OR10G8: variants seen among roughly 807,000 people sequenced by gnomAD.
OR10G8 encodes olfactory receptor 10G8.
For synonymous variants in OR10G8, 173 were observed against 163.2 expected, an observed-to-expected ratio of 1.06 and a Z score of -0.46; for missense variants, 386 against 384.9, an observed-to-expected ratio of 1.00 and a Z score of -0.02.
intron 1 of OR10G8, among the ~76,000 whole-genome samples, chr11:124,027,640 G>A (rs886482283): frequency 1.3e-5 from 2 of 152,116 alleles, no homozygotes; most frequent in African/African-American, 4.8e-5. Flanking sequence ...GAGTATCTTG[G>A]TTCTATTTTA....
At position 124,030,336 on chromosome 11, in the gene OR10G8, G is replaced by A; in HGVS notation, c.714G>A (p.Gln238=). 6.2e-7 allele frequency: 1 copy of A among 1,614,194 alleles called. No individual in the cohort carries two copies. The highest frequency in any genetic ancestry group is 8.5e-7 in the Non-Finnish European group (1 of 1,180,016). Residue 238 remains glutamine, a synonymous_variant, in exon 2 of 2, where the codon CAG becomes CAA. Coordinates refer to ENST00000641224, the MANE Select transcript of OR10G8 (RefSeq NM_001004464.2). The part of the protein sequence containing the change: ...RTSEGKHRAF[Q]TCASHCIVVL... ...CAGAGGGGAAGCACAGAGCCTTTCA[G>A]ACCTGTGCCTCCCACTGTATCGTGG...
intron 1 of OR10G8, among the ~76,000 whole-genome samples, 183 bp downstream of exon 1, chr11:124,027,050 A>G (rs1183627296): frequency 6.6e-6 from 1 of 152,198 alleles, no homozygotes; most frequent in African/African-American, 2.4e-5. Flanking sequence ...AAGGAATCCC[A>G]TCCTCTGAGA....
intron 1 of OR10G8, among the ~76,000 whole-genome samples, chr11:124,029,277 G>A (rs1864132149): frequency 6.6e-6 from 1 of 152,092 alleles, no homozygotes; most frequent in Admixed American, 6.5e-5. Context: ...AGAGGGCCCA[G>A]CTGACCTGAC....
Position 124,029,950 on chromosome 11 carries a change from G to A in OR10G8, c.328G>A (p.Glu110Lys), listed in dbSNP as rs371942684. The A allele has an allele frequency of 5.9e-5, 95 of 1,613,952 alleles. 1 individual carries two copies. Among genetic ancestry groups the A allele is most frequent in the Middle Eastern group, 4.9e-4 (3 of 6,084 alleles). ...LYFFHFLGGTECFLYRVMSCD... is the reference protein window; with the variant it reads ...LYFFHFLGGTKCFLYRVMSCD... ...TTTCTTTCACTTCCTAGGGGGCACC[G>A]AGTGTTTCCTCTACAGGGTCATGTC... Residue 110 changes from glutamate to lysine, a missense_variant, in exon 2 of 2, where the codon GAG (glutamate) becomes AAG (lysine). By Grantham distance (56) the Glu-to-Lys change is moderately conservative. Transcript: ENST00000641224.
chr11:124,029,983 C>T lies in OR10G8; in HGVS notation c.361C>T (p.Arg121Cys), dbSNP rs745803466. The T allele has an allele frequency of 2.3e-5, 37 of 1,614,112 alleles. No homozygotes were observed. The highest frequency in any genetic ancestry group is 2.0e-4 in the Admixed American group (12 of 60,016). ...CCTCTACAGGGTCATGTCCTGTGATCGCTACCTGGCCATCAGTTACCCGCT... is the reference window on the plus strand; with the variant it reads ...CCTCTACAGGGTCATGTCCTGTGATTGCTACCTGGCCATCAGTTACCCGCT... ...CFLYRVMSCD[R>C]YLAISYPLRY... The change falls in exon 2 of 2, where the codon CGC (arginine) becomes TGC (cysteine). Residue 121 changes from arginine to cysteine, a missense_variant. Arg to Cys is a radical substitution (Grantham distance 180). Transcript: ENST00000641224.
In OR10G8 at chr11:124,030,348, C is replaced by T. The variant is rs559113701; in HGVS notation, c.726C>T (p.Ser242=). The T allele has an allele frequency of 3.1e-6, 5 of 1,614,202 alleles. No individual in the cohort carries two copies. In the South Asian group the frequency reaches 5.5e-5, roughly 18 times the overall value. The part of the protein sequence containing the change: ...GKHRAFQTCA[S]HCIVVLCFFG... The stretch of plus-strand genomic sequence containing the variant: ...ACAGAGCCTTTCAGACCTGTGCCTC[C>T]CACTGTATCGTGGTCCTTTGCTTCT... The change falls in exon 2 of 2, where the codon TCC becomes TCT. Residue 242 remains serine, a synonymous_variant. Coordinates refer to ENST00000641224, the MANE Select transcript of OR10G8 (RefSeq NM_001004464.2).
At chr11:124,029,365 C>G (rs968999078) in intron 1 of OR10G8, among the ~76,000 whole-genome samples, 1 of 152,244 alleles carries the variant, frequency 6.6e-6, no homozygotes, top group South Asian at 2.1e-4. Context: ...CTATTAAAAT[C>G]TAAGACAATG....
In OR10G8 at chr11:124,029,689, G is replaced by GC. The variant is rs1383077583; in HGVS notation, c.73dup (p.Leu25ProfsTer44). 2 of 1,613,750 alleles carry GC rather than the reference G, an allele frequency of 1.2e-6. No individual in the cohort carries two copies. The highest frequency in any genetic ancestry group is 1.7e-6 in the Non-Finnish European group (2 of 1,179,858). ...CCTTCCCCATGCCCCAGCGCTGGAC[G>GC]CCCCCCTCTTTGGAGTCTTCCTGGT... On this transcript the variant is annotated frameshift_variant, in exon 2 of 2. Transcript: ENST00000641224. LOFTEE classifies it low-confidence loss of function (END_TRUNC).
chr11:124,027,731 A>T (rs1864118557), intron 1 of OR10G8, among the ~76,000 whole-genome samples: 1 of 152,186 alleles, frequency 6.6e-6, no homozygotes, highest in Non-Finnish European at 1.5e-5. Context: ...CTTTCTTTAA[A>T]CTAGCTTAAG....
rs745803466 is a variant in OR10G8 at position 124,029,983 on chromosome 11, C to G, written c.361C>G (p.Arg121Gly). 6.2e-7 allele frequency: 1 copy of G among 1,614,112 alleles called. No individual in the cohort carries two copies. The highest frequency in any genetic ancestry group is 8.5e-7 in the Non-Finnish European group (1 of 1,180,020). The stretch of plus-strand genomic sequence containing the variant: ...CCTCTACAGGGTCATGTCCTGTGAT[C>G]GCTACCTGGCCATCAGTTACCCGCT... Reference protein sequence around the residue: ...CFLYRVMSCDRYLAISYPLRY... With the variant: ...CFLYRVMSCDGYLAISYPLRY... Residue 121 changes from arginine (R) to glycine (G), a missense_variant, in exon 2 of 2, where the codon CGC becomes GGC. Coordinates refer to ENST00000641224, the MANE Select transcript of OR10G8 (RefSeq NM_001004464.2).
At chr11:124,028,878 A>G (rs1344721933) in intron 1 of OR10G8, among the ~76,000 whole-genome samples, 1 of 152,162 alleles carries the variant, frequency 6.6e-6, no homozygotes, top group Non-Finnish European at 1.5e-5. Context: ...GCTGTCTAGT[A>G]TATGCTTTCC....
At chr11:124,028,166 A>G (rs186958950) in intron 1 of OR10G8, among the ~76,000 whole-genome samples, 9 of 152,344 alleles carry the variant, frequency 5.9e-5, no homozygotes, top group African/African-American at 2.2e-4. Context: ...AACCTAGGGT[A>G]GAAGGAGTAT....
chr11:124,029,169 G>A (rs1005485450), intron 1 of OR10G8, among the ~76,000 whole-genome samples: 2 of 152,070 alleles, frequency 1.3e-5, no homozygotes, highest in Non-Finnish European at 2.9e-5. Flanking sequence ...GAACCGAATC[G>A]TGCCAACAAC....
intron 1 of OR10G8, among the ~76,000 whole-genome samples, chr11:124,028,740 T>C (rs1864126827): frequency 2.0e-5 from 3 of 152,192 alleles, no homozygotes; most frequent in African/African-American, 7.2e-5. Context: ...TTAGCTGAAC[T>C]GTTCAGTTTT....
At position 124,030,261 on chromosome 11, in the gene OR10G8, A is replaced by G. The variant is rs146815262; in HGVS notation, c.639A>G (p.Ile213Met). 1.2e-4 allele frequency: 186 copies of G among 1,614,192 alleles called. No homozygotes were observed. In the African/African-American group the frequency reaches 2.4e-3, roughly 21 times the overall value. The change falls in exon 2 of 2, where the codon ATA becomes ATG. Residue 213 changes from isoleucine (I) to methionine (M), a missense_variant. Transcript: ENST00000641224. ...TGGCCTCGGGCTGCTTTGTCCTGAT[A>G]GTGCTGTCCTATGTGTCCATCGTCT... ...GIVASGCFVLIVLSYVSIVCS... is the reference protein window; with the variant it reads ...GIVASGCFVLMVLSYVSIVCS...
At chr11:124,029,104 C>T (rs749148349) in intron 1 of OR10G8, among the ~76,000 whole-genome samples, 1 of 152,052 alleles carries the variant, frequency 6.6e-6, no homozygotes, top group Non-Finnish European at 1.5e-5. Context: ...TTGAGAGTTA[C>T]GTGTCCTGCC....
intron 1 of OR10G8, among the ~76,000 whole-genome samples, chr11:124,027,254 AT>A (rs912710114): frequency 2.0e-5 from 3 of 152,212 alleles, no homozygotes; most frequent in Non-Finnish European, 4.4e-5. Context: ...GAGTTTTACT[AT>A]TGAAATGAAT....
chr11:124,027,802 C>A (rs1490380403), intron 1 of OR10G8, among the ~76,000 whole-genome samples: 2 of 152,202 alleles, frequency 1.3e-5, no homozygotes, highest in Non-Finnish European at 2.9e-5. Context: ...TGGCTTCTCT[C>A]ACACTGGTGA....
Position 124,030,012 on chromosome 11 carries a change from G to A in OR10G8, c.390G>A (p.Arg130=), listed in dbSNP as rs774776062. The A allele has an allele frequency of 1.9e-6, 3 of 1,614,120 alleles. No homozygotes were observed. The highest frequency in any genetic ancestry group is 2.5e-6 in the Non-Finnish European group (3 of 1,180,024). ...DRYLAISYPL[R]YTSMMTGRSC... is the part of the protein sequence containing the mutation. ...ACCTGGCCATCAGTTACCCGCTCAGGTACACCAGCATGATGACTGGGCGCT... is the reference window on the plus strand; with the variant it reads ...ACCTGGCCATCAGTTACCCGCTCAGATACACCAGCATGATGACTGGGCGCT... Residue 130 remains arginine (R), a synonymous_variant, in exon 2 of 2, where the codon AGG becomes AGA. Coordinates refer to ENST00000641224, the MANE Select transcript of OR10G8 (RefSeq NM_001004464.2).
Sources: allele counts gnomAD v4.1 joint callset (sites outside exome capture counted in the v4.1 genomes callset), GRCh38; gene constraint gnomAD v4.1.1; transcripts MANE v1.5; gene names NCBI Gene and HGNC (gene_info 2026-07-23, HGNC 2026-07-21).